Variants in TRIO observed in about 807,000 individuals in gnomAD.
The protein encoded by TRIO is trio Rho guanine nucleotide exchange factor, also known as triple functional domain protein.
Under a neutral mutation model 351.9 loss-of-function variants are expected in TRIO, and 58 were observed. The ratio of observed to expected loss-of-function variants is 0.16; its 90% CI spans 0.13 to 0.21. The LOEUF is 0.21. Ranked by LOEUF, TRIO falls within the 10% of genes least tolerant of loss-of-function variation. The pLI is 1.00. For synonymous variants in TRIO, 1,758 were observed against 1,595.7 expected, an observed-to-expected ratio of 1.10 and a Z score of -2.42; for missense variants, 3,201 against 4,027.8, an observed-to-expected ratio of 0.79 and a Z score of 5.56.
chr5:14,201,920 A>G (rs983221802), intron 1 of TRIO, among the ~76,000 whole-genome samples: 6 of 142,062 alleles, frequency 4.2e-5, no homozygotes, highest in Non-Finnish European at 9.0e-5. Flanking sequence ...TTGAACAATG[A>G]GAACACATGG....
chr5:14,297,508 T>C, intron 7 of TRIO: 1 of 420,166 alleles, frequency 2.4e-6, no homozygotes, highest in Non-Finnish European at 4.3e-6. Context: ...AGTACCTGTT[T>C]GAGTGGACTG....
chr5:14,394,810 C>G (rs1579524744), intron 28 of TRIO, among the ~76,000 whole-genome samples: 1 of 152,230 alleles, frequency 6.6e-6, no homozygotes, highest in East Asian at 1.9e-4. Flanking sequence ...GTAAACAAAA[C>G]TTAGAATTTG....
chr5:14,274,379 C>A (rs1480169461), intron 2 of TRIO, among the ~76,000 whole-genome samples: 1 of 152,104 alleles, frequency 6.6e-6, no homozygotes. Flanking sequence ...CTTGATTAGA[C>A]CAAGCTTTGA....
chr5:14,190,377 A>G (rs765197528), intron 1 of TRIO, among the ~76,000 whole-genome samples: 8 of 152,238 alleles, frequency 5.3e-5, no homozygotes, highest in Non-Finnish European at 8.8e-5. Flanking sequence ...GAAAAAATCC[A>G]GAAAAATCAA....
chr5:14,388,737 C>CTATTTTAT, intron 24 of TRIO, 58 bp downstream of exon 24: 1 of 1,508,840 alleles, frequency 6.6e-7, no homozygotes, highest in Non-Finnish European at 8.9e-7. Context: ...CATAAGCTTG[C>CTATTTTAT]TATTTTATTC....
chr5:14,428,596 T>C (rs1750840457), intron 34 of TRIO, among the ~76,000 whole-genome samples: 1 of 152,176 alleles, frequency 6.6e-6, no homozygotes, highest in Non-Finnish European at 1.5e-5. Flanking sequence ...TAGCGTATAA[T>C]TATGGAGCCA....
intron 8 of TRIO, among the ~76,000 whole-genome samples, chr5:14,307,003 G>A (rs1734355468): frequency 1.3e-5 from 2 of 152,180 alleles, no homozygotes; most frequent in South Asian, 4.1e-4. Flanking sequence ...CAACTGAGCT[G>A]TAAACTCAAG....
intron 46 of TRIO, 86 bp from the exon 47 acceptor site, chr5:14,484,980 TTTC>T (rs1755809825): frequency 7.4e-7 from 1 of 1,354,540 alleles, no homozygotes; most frequent in Non-Finnish European, 9.7e-7. Context: ...TAGCCCACAT[TTTC>T]TTTGTCCATT....
At chr5:14,244,567 C>T (rs190929748) in intron 1 of TRIO, among the ~76,000 whole-genome samples, 1 of 152,292 alleles carries the variant, frequency 6.6e-6, no homozygotes, top group Admixed American at 6.5e-5. Flanking sequence ...GGCTCTCAGG[C>T]CAGCCCTAGA....
chr5:14,244,755 C>T (rs1030967855), intron 1 of TRIO, among the ~76,000 whole-genome samples: 26 of 152,176 alleles, frequency 1.7e-4, no homozygotes, highest in African/African-American at 5.3e-4. Flanking sequence ...CACTCCTTGC[C>T]GTCAGCCTGG....
Position 14,509,991 on chromosome 5 carries a change from T to C in TRIO, c.*1569T>C, listed in dbSNP as rs1757981996. 1 of 152,270 alleles carries C rather than the reference T, an allele frequency of 6.6e-6. No individual in the cohort carries two copies. The allele number at this position is 152,270 out of a possible 1,614,324, so 9.4% of individuals were successfully genotyped here. On this transcript the variant is annotated 3_prime_UTR_variant, in exon 57 of 57. Transcript: ENST00000344204. ...CTTCTTGTAAAATTGTACAGAAACT[T>C]TTTAAAAGAAATTGGATTCGAAACT...
At chr5:14,233,213 G>A (rs1793559481) in intron 1 of TRIO, among the ~76,000 whole-genome samples, 4 of 151,440 alleles carry the variant, frequency 2.6e-5, no homozygotes, top group Non-Finnish European at 4.4e-5. Context: ...GGGTACAGTG[G>A]CTCACGGTTT....
At chr5:14,176,375 C>T (rs1014021028) in intron 1 of TRIO, among the ~76,000 whole-genome samples, 7 of 152,234 alleles carry the variant, frequency 4.6e-5, no homozygotes, top group Non-Finnish European at 7.4e-5. Flanking sequence ...GAGGCCGAGG[C>T]AGGAGAATGG....
At chr5:14,407,103 C>T (rs1158649324) in intron 33 of TRIO, among the ~76,000 whole-genome samples, 2 of 152,100 alleles carry the variant, frequency 1.3e-5, no homozygotes, top group Non-Finnish European at 1.5e-5. Context: ...AAGAGTGTTG[C>T]TTACAGGTTC....
intron 34 of TRIO, among the ~76,000 whole-genome samples, chr5:14,455,064 A>G (rs1753166545): frequency 6.6e-6 from 1 of 152,144 alleles, no homozygotes; most frequent in African/African-American, 2.4e-5. Flanking sequence ...GAAGCTGCAG[A>G]CCTTCGCGGT....
At chr5:14,434,425 G>A (rs1017002550) in intron 34 of TRIO, among the ~76,000 whole-genome samples, 1 of 151,278 alleles carries the variant, frequency 6.6e-6, no homozygotes, top group Admixed American at 6.6e-5. Flanking sequence ...CTTTTTTCTG[G>A]TAACTTTTTC....
intron 33 of TRIO, among the ~76,000 whole-genome samples, chr5:14,418,560 A>G (rs1158798610): frequency 2.0e-5 from 3 of 152,136 alleles, no homozygotes; most frequent in South Asian, 2.1e-4. Context: ...ACCGGAAGAA[A>G]AAGAGATTTA....
chr5:14,188,072 G>C (rs1387019844), intron 1 of TRIO, among the ~76,000 whole-genome samples: 3 of 152,192 alleles, frequency 2.0e-5, no homozygotes, highest in Non-Finnish European at 4.4e-5. Flanking sequence ...TTTGAATAGT[G>C]AACACAGATT....
intron 16 of TRIO, among the ~76,000 whole-genome samples, chr5:14,367,318 G>A (rs959686441): frequency 1.3e-5 from 2 of 152,186 alleles, no homozygotes; most frequent in African/African-American, 4.8e-5. Flanking sequence ...GAACCGAGGA[G>A]CCCACGTTGC....
Sources: allele counts gnomAD v4.1 joint callset (sites outside exome capture counted in the v4.1 genomes callset), GRCh38; gene constraint gnomAD v4.1.1; transcripts MANE v1.5; gene names NCBI Gene and HGNC (gene_info 2026-07-23, HGNC 2026-07-21).